The following RASGRP3 variants were observed in gnomAD, a reference collection of about 807,000 sequenced individuals.
The protein encoded by RASGRP3 is ras guanyl-releasing protein 3.
Under a neutral mutation model 82.7 loss-of-function variants are expected in RASGRP3, and 54 were observed. The ratio of observed to expected loss-of-function variants is 0.65; its 90% CI spans 0.52 to 0.82. RASGRP3 has a LOEUF of 0.82. Ranked by LOEUF, RASGRP3 falls within the 40% of genes least tolerant of loss-of-function variation. The pLI, the probability that RASGRP3 is intolerant of heterozygous loss-of-function variation, is 0.00. For synonymous variants in RASGRP3, 309 were observed against 300.5 expected (o/e 1.03, Z -0.29); for missense variants, 861 against 828.9 (o/e 1.04, Z -0.48).
At chr2:33,560,901 T>C (rs1261791077) in intron 17 of RASGRP3, among the ~76,000 whole-genome samples, 2 of 152,210 alleles carry the variant, frequency 1.3e-5, no homozygotes, top group Non-Finnish European at 2.9e-5. Flanking sequence ...TCACAGCCTG[T>C]TGGGTGTAAG....
chr2:33,438,203 T>C (rs889576646), intron 1 of RASGRP3, among the ~76,000 whole-genome samples: 2 of 152,252 alleles, frequency 1.3e-5, no homozygotes, highest in African/African-American at 4.8e-5. Flanking sequence ...ATTTCAAGAA[T>C]ATATTTTTTC....
intron 2 of RASGRP3, among the ~76,000 whole-genome samples, chr2:33,450,931 A>T (rs915334751): frequency 7.2e-6 from 1 of 138,904 alleles, no homozygotes; most frequent in Non-Finnish European, 1.5e-5. Context: ...TCCACCTCCC[A>T]GGTTCACAGC....
At chr2:33,437,134 C>T (rs1446871823) in intron 1 of RASGRP3, among the ~76,000 whole-genome samples, 7 of 152,072 alleles carry the variant, frequency 4.6e-5, no homozygotes, top group Non-Finnish European at 1.0e-4. Context: ...GGAGAATCTT[C>T]TAGAACCACA....
In RASGRP3 at chr2:33,515,078, G is replaced by A; in HGVS notation, c.-59G>A. On this transcript the variant is annotated 5_prime_UTR_variant, in exon 3 of 18. An upstream start codon of the reference 5' UTR is lost. Transcript: ENST00000403687. ...TAACATCGCTGACTTGCATGATTAT[G>A]GAGATGGTCTATCTGATGCTGAAAA... 1 of 1,510,010 alleles carries A rather than the reference G, an allele frequency of 6.6e-7. No individual in the cohort carries two copies. Among genetic ancestry groups the A allele is most frequent in the Non-Finnish European group, 9.2e-7 (1 of 1,085,398 alleles). The allele number at this position is 1,510,010 out of a possible 1,614,324, so 93.5% of individuals were successfully genotyped here. A position where few individuals can be genotyped will look rare whatever the true frequency, so the allele number is the denominator to read the frequency against.
intron 12 of RASGRP3, among the ~76,000 whole-genome samples, chr2:33,540,568 G>T (rs1452822272): frequency 1.5e-4 from 3 of 20,318 alleles, no homozygotes; most frequent in African/African-American, 7.0e-4. Context: ...GTGTGTGTGT[G>T]TGTGTGTGTG....
At chr2:33,466,536 G>A (rs1043369537) in intron 2 of RASGRP3, among the ~76,000 whole-genome samples, 2 of 152,074 alleles carry the variant, frequency 1.3e-5, no homozygotes, top group Non-Finnish European at 2.9e-5. Context: ...AAAATTGGCC[G>A]GGCATGGTGG....
intron 6 of RASGRP3, among the ~76,000 whole-genome samples, 199 bp from the exon 7 acceptor site, chr2:33,521,756 C>T (rs1672055668): frequency 6.6e-6 from 1 of 152,188 alleles, no homozygotes; most frequent in Admixed American, 6.5e-5. Flanking sequence ...CAAAACCTAC[C>T]CTGTCTGGAA....
upstream of RASGRP3, among the ~76,000 whole-genome samples, chr2:33,475,128 G>T (rs533139466): frequency 3.9e-5 from 6 of 152,360 alleles, no homozygotes; most frequent in East Asian, 9.6e-4. Flanking sequence ...AAACAAAAAT[G>T]CCTGTGAGGG....
At chr2:33,489,652 C>G (rs1474723674) in intron 1 of RASGRP3, among the ~76,000 whole-genome samples, 2 of 152,184 alleles carry the variant, frequency 1.3e-5, no homozygotes, top group African/African-American at 4.8e-5. Context: ...TGTGACCTCT[C>G]TGCCTCCCAA....
chr2:33,532,794 A>C (rs1673230236), intron 10 of RASGRP3: 1 of 152,222 alleles, frequency 6.6e-6, no homozygotes, highest in African/African-American at 2.4e-5. Context: ...TGAAGTCCTT[A>C]ATTTAAATGT....
intron 2 of RASGRP3, among the ~76,000 whole-genome samples, chr2:33,455,137 G>A (rs1017858209): frequency 1.3e-5 from 2 of 152,120 alleles, no homozygotes; most frequent in African/African-American, 2.4e-5. Context: ...ATGTCATGTA[G>A]GCAAAGATCC....
At chr2:33,456,965 C>T (rs908668848) in intron 2 of RASGRP3, among the ~76,000 whole-genome samples, 1 of 149,014 alleles carries the variant, frequency 6.7e-6, no homozygotes, top group Non-Finnish European at 1.5e-5. Flanking sequence ...GTGCAGTGGC[C>T]TATCTTAGCT....
chr2:33,468,511 C>T (rs961900203), intron 2 of RASGRP3, among the ~76,000 whole-genome samples: 1 of 152,070 alleles, frequency 6.6e-6, no homozygotes, highest in African/African-American at 2.4e-5. Context: ...AAGCGATTCT[C>T]CTGCCTCAGC....
intron 2 of RASGRP3, among the ~76,000 whole-genome samples, chr2:33,456,908 T>TTTA (rs1179963543): frequency 6.7e-6 from 1 of 150,056 alleles, no homozygotes; most frequent in African/African-American, 2.5e-5. Flanking sequence ...CTTTCTATTT[T>TTTA]TTTTTTTTTT....
At chr2:33,530,419 T>G (rs940814970) in intron 10 of RASGRP3, among the ~76,000 whole-genome samples, 3 of 152,118 alleles carry the variant, frequency 2.0e-5, no homozygotes, top group African/African-American at 7.2e-5. Flanking sequence ...TCACATACGT[T>G]TCCTCAGTAA....
chr2:33,474,243 G>C (rs1187737346), upstream of RASGRP3, among the ~76,000 whole-genome samples: 3 of 152,178 alleles, frequency 2.0e-5, no homozygotes, highest in Non-Finnish European at 4.4e-5. Context: ...GTGGAGCCTG[G>C]TGGGAAGTGA....
chr2:33,515,952 G>T (rs764067495), intron 3 of RASGRP3, among the ~76,000 whole-genome samples: 3 of 152,182 alleles, frequency 2.0e-5, no homozygotes, highest in Non-Finnish European at 4.4e-5. Context: ...CCTAAATAAT[G>T]CCTGGGACAT....
intron 17 of RASGRP3, 57 bp from the exon 18 acceptor site, chr2:33,562,672 A>ACTC: frequency 6.3e-7 from 1 of 1,585,736 alleles, no homozygotes; most frequent in Non-Finnish European, 8.7e-7. Flanking sequence ...TTCTAGGAAC[A>ACTC]CTCTTATTTT....
At chr2:33,491,945 A>G (rs1020744701) in intron 1 of RASGRP3, among the ~76,000 whole-genome samples, 5 of 152,338 alleles carry the variant, frequency 3.3e-5, no homozygotes, top group African/African-American at 1.2e-4. Flanking sequence ...GTAGGAAGCA[A>G]CTTCATGGGC....
Sources: gnomAD v4.1 joint callset for allele counts (sites outside exome capture counted in the v4.1 genomes callset) on GRCh38, gnomAD v4.1.1 for gene constraint, MANE v1.5 for transcripts, NCBI Gene and HGNC (gene_info 2026-07-23, HGNC 2026-07-21) for gene names.